MAP6: variants seen among roughly 807,000 people sequenced by gnomAD.
MAP6 encodes microtubule associated protein 6, also known as microtubule-associated protein 6.
MAP6 carries 26 observed loss-of-function variants against 42.4 expected under a neutral mutation model. That is an observed-to-expected ratio of 0.61 (90% CI 0.45 to 0.85). MAP6 has a LOEUF of 0.85. Among genes scored for constraint, MAP6 ranks in the 40% least tolerant of loss-of-function variants. The pLI is 0.00. For synonymous variants in MAP6, 418 were observed against 443.8 expected (o/e 0.94, Z 0.73); for missense variants, 966 against 1,099.0 (o/e 0.88, Z 1.71).
At chr11:75,603,723 T>C (rs1467469584) in intron 3 of MAP6, 1 of 985,226 alleles carries the variant, frequency 1.0e-6, no homozygotes, top group African/African-American at 1.7e-5. Flanking sequence ...GAGACAGATT[T>C]CTTTATACTG....
chr11:75,606,150 A>G, intron 2 of MAP6, 146 bp from the exon 3 acceptor site: 1 of 961,944 alleles, frequency 1.0e-6, no homozygotes, highest in South Asian at 1.7e-5. Context: ...AGGTGTTCCC[A>G]AGGACATTAG....
rs528915118 is a variant in MAP6 at position 75,605,167 on chromosome 11, G to A, written c.1316+641C>T. ...GTTATCAGTGGCGTATCTATGACTC[G>A]GTATACAATTTAAAGCCCACTGATA... On this transcript the variant is annotated intron_variant, in intron 3 of 3. Coordinates refer to ENST00000304771, the MANE Select transcript of MAP6 (RefSeq NM_033063.2). 74 of 985,138 alleles carry A rather than the reference G, an allele frequency of 7.5e-5. No homozygotes were observed. The African/African-American group carries it at 8.4e-4, about 11-fold the overall frequency. The allele number at this position is 985,138 out of a possible 1,614,324, so 61.0% of individuals were successfully genotyped here. A position where few individuals can be genotyped will look rare whatever the true frequency, so the allele number is the denominator to read the frequency against.
intron 1 of MAP6, chr11:75,635,849 G>A (rs1416089693): frequency 1.3e-5 from 2 of 152,388 alleles, no homozygotes; most frequent in Non-Finnish European, 2.9e-5. Flanking sequence ...CCCGTGTAAG[G>A]AGCTGCCAGG....
At chr11:75,621,898 C>T (rs1246124429) in intron 1 of MAP6, among the ~76,000 whole-genome samples, 1 of 152,030 alleles carries the variant, frequency 6.6e-6, no homozygotes, top group Non-Finnish European at 1.5e-5. Flanking sequence ...TGGTGGGTGC[C>T]TGTAATCCCA....
intron 1 of MAP6, among the ~76,000 whole-genome samples, chr11:75,620,604 C>T (rs1410190999): frequency 6.6e-6 from 1 of 151,870 alleles, no homozygotes; most frequent in Non-Finnish European, 1.5e-5. Flanking sequence ...AAAGACACTG[C>T]AAGAAAAGAA....
At chr11:75,605,184 C>T (rs1942738802) in intron 3 of MAP6, 1 of 985,284 alleles carries the variant, frequency 1.0e-6, no homozygotes, top group African/African-American at 1.7e-5. Flanking sequence ...AATTTAAAGC[C>T]CACTGATAGG....
At chr11:75,655,340 G>A (rs775525830) in intron 1 of MAP6, among the ~76,000 whole-genome samples, 17 of 152,334 alleles carry the variant, frequency 1.1e-4, no homozygotes, top group South Asian at 2.1e-4. Flanking sequence ...GGAGGGCAGG[G>A]GGGAAAACTG....
intron 1 of MAP6, among the ~76,000 whole-genome samples, chr11:75,650,612 T>C (rs1479690271): frequency 6.6e-6 from 1 of 152,198 alleles, no homozygotes; most frequent in Non-Finnish European, 1.5e-5. Context: ...TGCTCACCTC[T>C]GAGTATTAAT....
intron 1 of MAP6, chr11:75,635,837 C>T (rs984465829): frequency 2.0e-5 from 3 of 152,256 alleles, no homozygotes; most frequent in African/African-American, 7.2e-5. Context: ...GAGGATGCTA[C>T]GCCCGTGTAA....
intron 1 of MAP6, among the ~76,000 whole-genome samples, chr11:75,622,074 A>G (rs541211814): frequency 2.6e-5 from 4 of 152,102 alleles, no homozygotes; most frequent in Non-Finnish European, 5.9e-5. Context: ...AATAAAGGCT[A>G]CTAGAAAAAA....
At chr11:75,655,292 G>T (rs996051419) in intron 1 of MAP6, among the ~76,000 whole-genome samples, 1 of 152,182 alleles carries the variant, frequency 6.6e-6, no homozygotes, top group Non-Finnish European at 1.5e-5. Context: ...TGGACTAAAA[G>T]CCCTGAAGGA....
chr11:75,653,145 C>T (rs1030714572), intron 1 of MAP6, among the ~76,000 whole-genome samples: 6 of 152,190 alleles, frequency 3.9e-5, no homozygotes, highest in Admixed American at 6.5e-5. Flanking sequence ...CTGAGAAGAA[C>T]GGCAATGGAC....
intron 3 of MAP6, among the ~76,000 whole-genome samples, chr11:75,592,765 A>T (rs1418781327): frequency 6.6e-6 from 1 of 152,166 alleles, no homozygotes; most frequent in Non-Finnish European, 1.5e-5. Flanking sequence ...TTCTCCTTGT[A>T]CCAAGAACAA....
chr11:75,649,238 C>T (rs944337875), intron 1 of MAP6, among the ~76,000 whole-genome samples: 14 of 152,064 alleles, frequency 9.2e-5, no homozygotes, highest in Admixed American at 3.9e-4. Context: ...TGGGTATTTA[C>T]GTATATGTGT....
Position 75,587,604 on chromosome 11 carries a change from A to AT in MAP6, c.1896_1897insA (p.Ser633IlefsTer18). The AT allele has an allele frequency of 6.2e-7, 1 of 1,614,000 alleles. No individual in the cohort carries two copies. The highest frequency in any genetic ancestry group is 8.5e-7 in the Non-Finnish European group (1 of 1,180,014). ...GGATCTTGATCCTTGATAGGTGCTG[A>AT]GACCATGGGACCTTCATCCTTGACA... On this transcript the variant is annotated frameshift_variant, in exon 4 of 4. Coordinates refer to ENST00000304771, the MANE Select transcript of MAP6 (RefSeq NM_033063.2). LOFTEE classifies it low-confidence loss of function (END_TRUNC).
chr11:75,628,887 T>C (rs573515744), intron 1 of MAP6, among the ~76,000 whole-genome samples: 4 of 152,320 alleles, frequency 2.6e-5, no homozygotes, highest in Admixed American at 2.6e-4. Context: ...AAACTTACTG[T>C]GTGCCAGAAG....
chr11:75,612,328 A>G (rs183027331), intron 1 of MAP6, among the ~76,000 whole-genome samples: 1 of 152,356 alleles, frequency 6.6e-6, no homozygotes, highest in East Asian at 1.9e-4. Context: ...GGGATGTGTA[A>G]GCCATGGATG....
chr11:75,639,237 C>T (rs1466944855), intron 1 of MAP6, among the ~76,000 whole-genome samples: 1 of 152,186 alleles, frequency 6.6e-6, no homozygotes, highest in East Asian at 1.9e-4. Flanking sequence ...AAAGCCTAGA[C>T]TTCACCACTA....
intron 3 of MAP6, among the ~76,000 whole-genome samples, chr11:75,593,189 G>A (rs764515610): frequency 5.3e-5 from 8 of 152,240 alleles, no homozygotes; most frequent in Non-Finnish European, 1.2e-4. Flanking sequence ...GACCATGTCA[G>A]TTTTGCACAT....
Sources: allele counts gnomAD v4.1 joint callset (sites outside exome capture counted in the v4.1 genomes callset), GRCh38; gene constraint gnomAD v4.1.1; transcripts MANE v1.5; gene names NCBI Gene and HGNC (gene_info 2026-07-23, HGNC 2026-07-21).